Variants in CCDC178 observed in about 807,000 individuals in gnomAD.
CCDC178 encodes coiled-coil domain containing 178.
In CCDC178, 126 loss-of-function variants were observed where a neutral mutation model predicts 117.4. That is an observed-to-expected ratio of 1.07 (90% CI 0.93 to 1.24). CCDC178 has a LOEUF of 1.24. CCDC178 is among the 50% of genes most tolerant of loss of function. The probability of loss-of-function intolerance (pLI) is 0.00; values close to 1 mark genes in which losing one functional copy is unlikely to be tolerated. For synonymous variants in CCDC178, 283 were observed against 313.4 expected, an observed-to-expected ratio of 0.90 and a Z score of 1.02; for missense variants, 1,030 against 986.9, an observed-to-expected ratio of 1.04 and a Z score of -0.59.
chr18:33,106,980 G>GAGTTC (rs2057715162), intron 20 of CCDC178, among the ~76,000 whole-genome samples: 1 of 151,664 alleles, frequency 6.6e-6, no homozygotes, highest in African/African-American at 2.4e-5. Context: ...ACAATTGCAA[G>GAGTTC]AAATTGAATT....
chr18:33,320,022 G>A (rs935970682), intron 11 of CCDC178, among the ~76,000 whole-genome samples: 2 of 152,114 alleles, frequency 1.3e-5, no homozygotes, highest in African/African-American at 4.8e-5. Context: ...TGCAGAAAAG[G>A]CCTTTGACAA....
In CCDC178 at chr18:33,202,678, T is replaced by G. The variant is rs147774560; in HGVS notation, c.2238+9218A>C. ...TTTTGTGACTTTTATCTGCAACTAGTGCCTACATTTCATTTCAGTTCATCC... is the reference window on the plus strand; with the variant it reads ...TTTTGTGACTTTTATCTGCAACTAGGGCCTACATTTCATTTCAGTTCATCC... On this transcript the variant is annotated intron_variant, in intron 20 of 22. Coordinates refer to ENST00000383096, the MANE Select transcript of CCDC178 (RefSeq NM_001105528.4). 6.6e-5 allele frequency among the ~76,000 whole-genome samples: 10 copies of G among 152,290 alleles called. No homozygotes were observed. The East Asian group carries it at 7.7e-4, about 12-fold the overall frequency.
At chr18:33,416,003 A>G (rs2063934999) in intron 2 of CCDC178, among the ~76,000 whole-genome samples, 2 of 152,202 alleles carry the variant, frequency 1.3e-5, no homozygotes, top group Non-Finnish European at 2.9e-5. Flanking sequence ...CAGAAATGCC[A>G]ATGGGTATAG....
Position 33,303,301 on chromosome 18 carries a change from C to A in CCDC178, c.1023-9989G>T, listed in dbSNP as rs1254517958. On this transcript the variant is annotated intron_variant, in intron 11 of 22. Transcript: ENST00000383096. ...TCTTAAAAAGTCATAACTGTGAAGACAATAAAAAGGTCAGGGATTACCAGG... is the reference window on the plus strand; with the variant it reads ...TCTTAAAAAGTCATAACTGTGAAGAAAATAAAAAGGTCAGGGATTACCAGG... Among the ~76,000 whole-genome samples the A allele has an allele frequency of 2.0e-5, 3 of 151,962 alleles. No individual in the cohort carries two copies. In the East Asian group the frequency reaches 5.8e-4, roughly 29 times the overall value.
intron 21 of CCDC178, among the ~76,000 whole-genome samples, chr18:33,040,052 T>C (rs1436433974): frequency 2.0e-5 from 3 of 151,942 alleles, no homozygotes; most frequent in Non-Finnish European, 4.4e-5. Flanking sequence ...AAATATAGTA[T>C]TTCATGATTA....
intron 2 of CCDC178, among the ~76,000 whole-genome samples, chr18:33,428,431 G>A (rs746092952): frequency 1.5e-4 from 23 of 152,138 alleles, no homozygotes; most frequent in Non-Finnish European, 2.9e-4. Context: ...AGGTGCTATC[G>A]CTGGGCAGTG....
intron 21 of CCDC178, among the ~76,000 whole-genome samples, chr18:33,066,227 CA>C: frequency 6.6e-6 from 1 of 152,130 alleles, no homozygotes; most frequent in Admixed American, 6.5e-5. Flanking sequence ...ATGAATTCAC[CA>C]CTAGACCAGT....
intron 21 of CCDC178, among the ~76,000 whole-genome samples, chr18:33,072,164 G>T (rs271515): frequency 0.14 from 21,636 of 152,004 alleles, 2,387 homozygotes; most frequent in African/African-American, 0.31. Flanking sequence ...AATTCAGAGA[G>T]AAAATTTGGT....
chr18:33,109,128 G>A (rs936773616), intron 20 of CCDC178, among the ~76,000 whole-genome samples: 6 of 151,580 alleles, frequency 4.0e-5, no homozygotes, highest in South Asian at 2.1e-4. Context: ...GACAATGAAC[G>A]AAATACCTAC....
chr18:33,297,994 A>C (rs1309667191), intron 11 of CCDC178, among the ~76,000 whole-genome samples: 2 of 151,818 alleles, frequency 1.3e-5, no homozygotes, highest in Non-Finnish European at 2.9e-5. Context: ...GTGAGCCGAG[A>C]TTGCACACTG....
chr18:33,415,856 A>C (rs1033226705), intron 2 of CCDC178, among the ~76,000 whole-genome samples: 8 of 152,202 alleles, frequency 5.3e-5, no homozygotes, highest in Non-Finnish European at 1.0e-4. Flanking sequence ...AAACCAACAT[A>C]AGAAGACTGA....
At chr18:33,053,009 C>T (rs2056770858) in intron 21 of CCDC178, among the ~76,000 whole-genome samples, 1 of 152,136 alleles carries the variant, frequency 6.6e-6, no homozygotes, top group Admixed American at 6.6e-5. Flanking sequence ...GCAACATAGC[C>T]TAGGAGCCAT....
chr18:33,045,316 A>C (rs1429134136), intron 21 of CCDC178, among the ~76,000 whole-genome samples: 1 of 152,158 alleles, frequency 6.6e-6, no homozygotes, highest in Non-Finnish European at 1.5e-5. Flanking sequence ...TACCGTGTTA[A>C]TGTCATAGTA....
intron 21 of CCDC178, among the ~76,000 whole-genome samples, chr18:32,982,466 C>T (rs1194357111): frequency 6.6e-6 from 1 of 152,112 alleles, no homozygotes; most frequent in Non-Finnish European, 1.5e-5. Context: ...AGTGCATGAA[C>T]AGCACTCACA....
intron 21 of CCDC178, among the ~76,000 whole-genome samples, chr18:33,045,563 T>C (rs991123116): frequency 3.9e-5 from 6 of 152,372 alleles, no homozygotes; most frequent in South Asian, 2.1e-4. Flanking sequence ...CTAATGCTCA[T>C]GAAAATCTGT....
intron 16 of CCDC178, 94 bp downstream of exon 16, chr18:33,226,699 T>C: frequency 2.6e-6 from 2 of 755,338 alleles, no homozygotes; most frequent in Non-Finnish European, 4.3e-6. Context: ...GCAAACCAAG[T>C]AGTGACAAGA....
chr18:33,004,413 G>T (rs1009363564), intron 21 of CCDC178, among the ~76,000 whole-genome samples: 1 of 152,068 alleles, frequency 6.6e-6, no homozygotes, highest in Non-Finnish European at 1.5e-5. Flanking sequence ...AAATGATGAT[G>T]GGAAAATCAG....
At chr18:33,182,349 A>G (rs546143604) in intron 20 of CCDC178, among the ~76,000 whole-genome samples, 5 of 152,002 alleles carry the variant, frequency 3.3e-5, no homozygotes, top group African/African-American at 1.2e-4. Flanking sequence ...CTGATCTTTT[A>G]AATTCAGATG....
chr18:33,132,284 T>C (rs1035254489), intron 20 of CCDC178, among the ~76,000 whole-genome samples: 1 of 151,760 alleles, frequency 6.6e-6, no homozygotes, highest in African/African-American at 2.4e-5. Flanking sequence ...TTTGAAATGT[T>C]TGAGTTACAA....
Sources: gnomAD v4.1 joint callset for allele counts (sites outside exome capture counted in the v4.1 genomes callset) on GRCh38, gnomAD v4.1.1 for gene constraint, MANE v1.5 for transcripts, NCBI Gene and HGNC (gene_info 2026-07-23, HGNC 2026-07-21) for gene names.